Variants in ANO5 observed in about 807,000 individuals in gnomAD.
The protein encoded by ANO5 is anoctamin-5.
ANO5 carries 109 observed loss-of-function variants against 121.0 expected under a neutral mutation model. That is an observed-to-expected ratio of 0.90 (90% CI 0.77 to 1.06). The LOEUF (loss-of-function observed/expected upper bound fraction) is 1.06, where lower values mean the gene tolerates loss of function less well. ANO5 is among the 50% of genes least tolerant of loss of function. ANO5 has a pLI of 0.00. For missense variants in ANO5, 1,064 were observed against 1,078.5 expected, an observed-to-expected ratio of 0.99 and a Z score of 0.19; for synonymous variants, 406 against 359.9, an observed-to-expected ratio of 1.13 and a Z score of -1.45.
At chr11:22,219,027 C>G (rs1312031218) in intron 4 of ANO5, among the ~76,000 whole-genome samples, 4 of 151,966 alleles carry the variant, frequency 2.6e-5, no homozygotes, top group African/African-American at 9.7e-5. Context: ...TTGAGCAAAA[C>G]AAAAGCATGA....
Position 22,272,794 on chromosome 11 carries a change from T to C in ANO5, c.2040T>C (p.Phe680=). Residue 680 remains phenylalanine, a synonymous_variant, in exon 19 of 22, where the codon TTT becomes TTC. Coordinates refer to ENST00000324559, the MANE Select transcript of ANO5 (RefSeq NM_213599.3). ...TTCTTTTCTCTACAGTTACTCAATT[T>C]GGATTTGTTACACTATTTGTGGCCT... ...FYEYLETVTQ[F]GFVTLFVASF... is the part of the protein sequence containing the mutation. 1 of 1,613,898 alleles carries C rather than the reference T, an allele frequency of 6.2e-7. No homozygotes were observed. Among genetic ancestry groups the C allele is most frequent in the Non-Finnish European group, 8.5e-7 (1 of 1,179,802 alleles).
chr11:22,225,288 C>A (rs151048754), intron 5 of ANO5, among the ~76,000 whole-genome samples: 5 of 151,958 alleles, frequency 3.3e-5, no homozygotes, highest in African/African-American at 9.6e-5. Flanking sequence ...GAGACACAGT[C>A]TCTATGAAAA....
intron 9 of ANO5, among the ~76,000 whole-genome samples, chr11:22,248,785 T>A (rs1853702992): frequency 6.6e-6 from 1 of 152,000 alleles, no homozygotes; most frequent in African/African-American, 2.4e-5. Context: ...ATATCCAGTT[T>A]CCTTATGAAT....
At chr11:22,237,304 T>G (rs996487867) in intron 8 of ANO5, among the ~76,000 whole-genome samples, 1 of 152,206 alleles carries the variant, frequency 6.6e-6, no homozygotes, top group African/African-American at 2.4e-5. Context: ...GCTGTAATAG[T>G]TCCCAAAAGC....
chr11:22,242,188 A>G (rs143277745), intron 9 of ANO5, among the ~76,000 whole-genome samples: 3 of 152,250 alleles, frequency 2.0e-5, no homozygotes, highest in African/African-American at 4.8e-5. Flanking sequence ...GTTGAAGACC[A>G]GATGGTGGGA....
upstream of ANO5, among the ~76,000 whole-genome samples, chr11:22,192,724 G>A (rs1027418012): frequency 6.6e-5 from 10 of 152,226 alleles, no homozygotes; most frequent in African/African-American, 2.4e-4. Context: ...ATTCCGACAG[G>A]AGGGAAGCGG....
chr11:22,279,137 T>C (rs1298848525), intron 21 of ANO5, among the ~76,000 whole-genome samples: 1 of 151,902 alleles, frequency 6.6e-6, no homozygotes, highest in Non-Finnish European at 1.5e-5. Flanking sequence ...TATTGCCTTC[T>C]TTCCTGAACT....
In ANO5 at chr11:22,227,330, T is replaced by G; in HGVS notation, c.392T>G (p.Val131Gly). The G allele has an allele frequency of 6.2e-7, 1 of 1,613,472 alleles. No individual in the cohort carries two copies. Among genetic ancestry groups the G allele is most frequent in the Non-Finnish European group, 8.5e-7 (1 of 1,179,698 alleles). Residue 131 changes from valine (V) to glycine (G), a missense_variant, in exon 7 of 22, where the codon GTC (valine) becomes GGC (glycine). Transcript: ENST00000324559. ...RDSEDGRTYF[V>G]KIHAPWEVLV... is the part of the protein sequence containing the mutation. ...TCGGAAGATGGAAGAACTTATTTTG[T>G]CAAGATCCATGCCCCTTGGGAGGTA...
At chr11:22,219,336 T>C (rs1265985057) in intron 4 of ANO5, among the ~76,000 whole-genome samples, 1 of 152,060 alleles carries the variant, frequency 6.6e-6, no homozygotes, top group Non-Finnish European at 1.5e-5. Context: ...CTACTTTGTC[T>C]GTTTTCTTGC....
At chr11:22,218,412 A>T in intron 4 of ANO5, 125 bp downstream of exon 4, 1 of 1,261,594 alleles carries the variant, frequency 7.9e-7, no homozygotes, top group Non-Finnish European at 1.1e-6. Context: ...GTCCCCAGGC[A>T]ACTGAAGTTT....
rs1253874866 is a variant in ANO5 at position 22,282,906 on chromosome 11, G to A, written c.*3141G>A. The A allele has an allele frequency of 6.6e-6, 1 of 152,126 alleles. No homozygotes were observed. The highest frequency in any genetic ancestry group is 1.9e-4 in the East Asian group (1 of 5,196). The allele number at this position is 152,126 out of a possible 1,614,324, so 9.4% of individuals were successfully genotyped here. A position where few individuals can be genotyped will look rare whatever the true frequency, so the allele number is the denominator to read the frequency against. On this transcript the variant is annotated 3_prime_UTR_variant, in exon 22 of 22. Transcript: ENST00000324559. ...TTGTTATGCAACTAAAGAATGTTAT[G>A]AAGAAAAATAGCATTGCAAAAAGTA...
At chr11:22,197,132 A>G (rs74690844) in intron 1 of ANO5, among the ~76,000 whole-genome samples, 8,602 of 152,284 alleles carry the variant, frequency 0.056, 796 homozygotes, top group African/African-American at 0.2. Context: ...GAGAGACAAC[A>G]TAACATTTTG....
intron 1 of ANO5, among the ~76,000 whole-genome samples, chr11:22,194,390 G>A (rs1851745670): frequency 6.6e-6 from 1 of 152,086 alleles, no homozygotes; most frequent in Admixed American, 6.5e-5. Context: ...GTCTTCAAAG[G>A]CACCGGGAAA....
intron 9 of ANO5, among the ~76,000 whole-genome samples, chr11:22,241,193 T>C (rs1171431549): frequency 5.6e-5 from 1 of 17,708 alleles, no homozygotes; most frequent in Admixed American, 3.5e-4. Flanking sequence ...CTACCTCCTC[T>C]AGTGTATATC....
intron 7 of ANO5, among the ~76,000 whole-genome samples, chr11:22,231,097 G>A (rs1050844835): frequency 6.6e-6 from 1 of 151,944 alleles, no homozygotes; most frequent in Non-Finnish European, 1.5e-5. Context: ...TAATGTGGCT[G>A]AGAACTGCAT....
chr11:22,272,818 C>T lies in ANO5; in HGVS notation c.2064C>T (p.Ala688=). ...TTGGATTTGTTACACTATTTGTGGC[C>T]TCTTTTCCTTTGGCTCCTCTTCTTG... ...TQFGFVTLFV[A]SFPLAPLLAL... is the part of the protein sequence containing the mutation. Residue 688 remains alanine, a synonymous_variant, in exon 19 of 22, where the codon GCC becomes GCT. Coordinates refer to ENST00000324559, the MANE Select transcript of ANO5 (RefSeq NM_213599.3). 1 of 1,614,046 alleles carries T rather than the reference C, an allele frequency of 6.2e-7. No homozygotes were observed. Among genetic ancestry groups the T allele is most frequent in the South Asian group, 1.1e-5 (1 of 91,076 alleles).
intron 9 of ANO5, among the ~76,000 whole-genome samples, chr11:22,250,005 C>A (rs1457910572): frequency 6.6e-6 from 1 of 152,030 alleles, no homozygotes; most frequent in East Asian, 1.9e-4. Context: ...TATCTGTTAT[C>A]CCTTTTAATC....
At position 22,193,471 on chromosome 11, in the gene ANO5, T is replaced by C. The variant is rs1396246803; in HGVS notation, c.-22T>C. The stretch of plus-strand genomic sequence containing the variant: ...TCTCCTGCTGCCTCTCAGGCACCAG[T>C]GCCATTAACGAGCTGGCGAAGATGG... On this transcript the variant is annotated 5_prime_UTR_variant, in exon 1 of 22. Transcript: ENST00000324559. The C allele has an allele frequency of 6.2e-7, 1 of 1,609,806 alleles. No individual in the cohort carries two copies. Among genetic ancestry groups the C allele is most frequent in the Non-Finnish European group, 8.5e-7 (1 of 1,178,556 alleles).
chr11:22,263,184 A>T lies in ANO5; in HGVS notation c.1898+141A>T. 3 of 661,856 alleles carry T rather than the reference A, an allele frequency of 4.5e-6. 1 individual carries two copies. Among genetic ancestry groups the T allele is most frequent in the Middle Eastern group, 8.2e-4 (2 of 2,452 alleles). 41.0% of individuals were successfully genotyped at this position (661,856 alleles called of 1,614,324 possible). On this transcript the variant is annotated intron_variant, in intron 17 of 21. Transcript: ENST00000324559. Reference sequence around the variant, plus strand: ...AAAGAAAGCTTTATTTTTAATCAACAGTGAAGGTTGCATTAAAGTAATATA... The same window carrying T: ...AAAGAAAGCTTTATTTTTAATCAACTGTGAAGGTTGCATTAAAGTAATATA...
Sources: gnomAD v4.1 joint callset for allele counts (sites outside exome capture counted in the v4.1 genomes callset) on GRCh38, gnomAD v4.1.1 for gene constraint, MANE v1.5 for transcripts, NCBI Gene and HGNC (gene_info 2026-07-23, HGNC 2026-07-21) for gene names.